The following LRATD1 variants were observed in gnomAD, a reference collection of about 807,000 sequenced individuals.
LRATD1 encodes the protein protein LRATD1.
LRATD1 carries 8 observed loss-of-function variants against 21.3 expected under a neutral mutation model. That is an observed-to-expected ratio of 0.38 (90% CI 0.22 to 0.68). The LOEUF is 0.68. Among genes scored for constraint, LRATD1 ranks in the 30% least tolerant of loss-of-function variants. The pLI is 0.54. For missense variants in LRATD1, 380 were observed against 404.0 expected (o/e 0.94, Z 0.51); for synonymous variants, 210 against 186.2 (o/e 1.13, Z -1.04).
Position 14,635,048 on chromosome 2 carries a change from C to A in LRATD1, c.*190C>A. On this transcript the variant is annotated 3_prime_UTR_variant, in exon 2 of 2. Transcript: ENST00000295092. The stretch of plus-strand genomic sequence containing the variant: ...GCGGCAGGAAGTCTCAGGAACTGCC[C>A]CAGGGCCGAAAGGGCGCCGCTGCGA... 1 of 885,164 alleles carries A rather than the reference C, an allele frequency of 1.1e-6. No individual in the cohort carries two copies. Among genetic ancestry groups the A allele is most frequent in the Non-Finnish European group, 1.8e-6 (1 of 546,776 alleles). The allele number at this position is 885,164 out of a possible 1,614,324, so 54.8% of individuals were successfully genotyped here.
In LRATD1 at chr2:14,634,173, C is replaced by T. The variant is rs1205420214; in HGVS notation, c.194C>T (p.Pro65Leu). The change falls in exon 2 of 2, where the codon CCG (proline) becomes CTG (leucine). Residue 65 changes from proline (P) to leucine (L), a missense_variant. Pro to Leu is a moderately conservative substitution (Grantham distance 98, BLOSUM62 -3). Coordinates refer to ENST00000295092, the MANE Select transcript of LRATD1 (RefSeq NM_145175.4). ...VKAPPGCTPC[P>L]ESPSRHHHHL... The stretch of plus-strand genomic sequence containing the variant: ...GCCCCCCCGGGTTGCACCCCCTGCC[C>T]GGAGAGCCCCAGCCGCCACCACCAC... 3.7e-6 allele frequency: 6 copies of T among 1,613,172 alleles called. No individual in the cohort carries two copies. In the East Asian group the frequency reaches 1.3e-4, roughly 36 times the overall value.
At chr2:14,642,648 G>C (rs1671826057), downstream of LRATD1, among the ~76,000 whole-genome samples, 1 of 151,478 alleles carries the variant, frequency 6.6e-6, no homozygotes, top group African/African-American at 2.4e-5. Flanking sequence ...AGCATGTATG[G>C]GGTCGGGGGG....
rs756862719 is a variant in LRATD1 at position 14,634,331 on chromosome 2, G to A, written c.352G>A (p.Ala118Thr). Residue 118 changes from alanine (A) to threonine (T), a missense_variant, in exon 2 of 2, where the codon GCG (alanine) becomes ACG (threonine). Ala to Thr is a moderately conservative substitution (Grantham distance 58, BLOSUM62 0). Coordinates refer to ENST00000295092, the MANE Select transcript of LRATD1 (RefSeq NM_145175.4). ...CGTCTACGCGGTCACCGCGCTGCCAGCGCTCTGCGAACCCGGCGACCTGCT... is the reference window on the plus strand; with the variant it reads ...CGTCTACGCGGTCACCGCGCTGCCAACGCTCTGCGAACCCGGCGACCTGCT... ...LSVYAVTALP[A>T]LCEPGDLLEL... The A allele has an allele frequency of 6.3e-7, 1 of 1,591,118 alleles. No individual in the cohort carries two copies. Among genetic ancestry groups the A allele is most frequent in the Non-Finnish European group, 8.5e-7 (1 of 1,172,662 alleles).
At chr2:14,646,042 G>C (rs1180671053) in intron 2 of LRATD1, 1 of 151,850 alleles carries the variant, frequency 6.6e-6, no homozygotes, top group African/African-American at 2.4e-5. Context: ...GTTAACATCT[G>C]TCTGTCCTTT....
chr2:14,647,269 T>C (rs1671911964), intron 4 of LRATD1, among the ~76,000 whole-genome samples: 1 of 152,190 alleles, frequency 6.6e-6, no homozygotes, highest in South Asian at 2.1e-4. Flanking sequence ...ATGTGTTTTA[T>C]TTGTCTTTAT....
At chr2:14,650,040 A>C (rs1671977708), downstream of LRATD1, 1 of 152,372 alleles carries the variant, frequency 6.6e-6, no homozygotes, top group African/African-American at 2.4e-5. Context: ...CACCCTCCAG[A>C]ACTGGGAGAA....
At chr2:14,651,176 GTTGTGCTA>G (rs1362345470), downstream of LRATD1, among the ~76,000 whole-genome samples, 3 of 152,024 alleles carry the variant, frequency 2.0e-5, no homozygotes, top group Non-Finnish European at 2.9e-5. Context: ...CACAAATGAT[GTTGTGCTA>G]TGGATCTCAT....
At position 14,634,119 on chromosome 2, in the gene LRATD1, G is replaced by A. The variant is rs148592039; in HGVS notation, c.140G>A (p.Arg47His). 68 of 1,614,068 alleles carry A rather than the reference G, an allele frequency of 4.2e-5. No homozygotes were observed. The African/African-American group carries it at 5.2e-4, about 12-fold the overall frequency. Residue 47 changes from arginine to histidine, a missense_variant, in exon 2 of 2, where the codon CGC (arginine) becomes CAC (histidine). Physicochemically the swap from Arg to His is conservative, Grantham distance 29. Coordinates refer to ENST00000295092, the MANE Select transcript of LRATD1 (RefSeq NM_145175.4). ...GATGATGAGGAAGACCTGGACGAAC[G>A]CGGGCAGCCCGACAAGTTTGGCGTG... ...FSDDEEDLDERGQPDKFGVKA... is the reference protein window; with the variant it reads ...FSDDEEDLDEHGQPDKFGVKA...
Position 14,639,151 on chromosome 2 carries a change from C to G in LRATD1, c.*4293C>G, listed in dbSNP as rs959839437. On this transcript the variant is annotated 3_prime_UTR_variant, in exon 2 of 2. Transcript: ENST00000295092. ...ACAGGCTACTTAAAATAGAGAGTGA[C>G]TTGAGATATACAAAAACAGGAAGAA... 6.0e-6 allele frequency: 1 copy of G among 166,354 alleles called. No individual in the cohort carries two copies. The highest frequency in any genetic ancestry group is 2.4e-5 in the African/African-American group (1 of 41,150). The allele number at this position is 166,354 out of a possible 1,614,324, so 10.3% of individuals were successfully genotyped here. A position where few individuals can be genotyped will look rare whatever the true frequency, so the allele number is the denominator to read the frequency against.
At chr2:14,651,446 C>T (rs965935243), downstream of LRATD1, among the ~76,000 whole-genome samples, 5 of 152,158 alleles carry the variant, frequency 3.3e-5, no homozygotes, top group Non-Finnish European at 5.9e-5. Context: ...ATACACCTTT[C>T]TGAACTAAGT....
At chr2:14,646,113 C>A (rs1299817513) in exon 3 of LRATD1, 1 of 151,928 alleles carries the variant, frequency 6.6e-6, no homozygotes, top group Non-Finnish European at 1.5e-5. Flanking sequence ...GAACAAAACC[C>A]ATTTAATGTT....
At chr2:14,648,083 A>C (rs547831619) in intron 4 of LRATD1, among the ~76,000 whole-genome samples, 9 of 152,300 alleles carry the variant, frequency 5.9e-5, no homozygotes, top group African/African-American at 2.2e-4. Flanking sequence ...TATTGGAGGA[A>C]GGTCTTACAC....
chr2:14,635,529 GTTCTTTC>G lies in LRATD1; in HGVS notation c.*672_*678del. ...CTAAGCCAGACAGTGTTTGCCTCCG[GTTCTTTC>G]CACCGTGGGAAGCGAACGCCACCCC... On this transcript the variant is annotated 3_prime_UTR_variant, in exon 2 of 2. Transcript: ENST00000295092. 1 of 471,150 alleles carries G rather than the reference GTTCTTTC, an allele frequency of 2.1e-6. No homozygotes were observed. Among genetic ancestry groups the G allele is most frequent in the Non-Finnish European group, 4.4e-6 (1 of 227,062 alleles). The allele number at this position is 471,150 out of a possible 1,614,324, so 29.2% of individuals were successfully genotyped here.
At chr2:14,645,142 G>T (rs1428732680) in intron 2 of LRATD1, among the ~76,000 whole-genome samples, 2 of 152,142 alleles carry the variant, frequency 1.3e-5, no homozygotes, top group African/African-American at 4.8e-5. Flanking sequence ...TGAGCCTCTT[G>T]TCCAAAGAAA....
chr2:14,643,990 A>G (rs566257884), downstream of LRATD1, among the ~76,000 whole-genome samples: 1 of 152,194 alleles, frequency 6.6e-6, no homozygotes, highest in African/African-American at 2.4e-5. Context: ...AATCTAATTT[A>G]ATTCAAAAAC....
intron 4 of LRATD1, among the ~76,000 whole-genome samples, chr2:14,647,114 G>A (rs1214825202): frequency 2.6e-5 from 4 of 152,198 alleles, no homozygotes; most frequent in Admixed American, 2.0e-4. Flanking sequence ...CACAATGTTA[G>A]GATGAAGCTG....
chr2:14,647,067 C>CAG (rs1379845997), intron 4 of LRATD1, among the ~76,000 whole-genome samples: 1 of 152,202 alleles, frequency 6.6e-6, no homozygotes, highest in Non-Finnish European at 1.5e-5. Flanking sequence ...GAGCCTCTAT[C>CAG]CCTCAGCCTT....
chr2:14,634,679 G>T lies in LRATD1; in HGVS notation c.700G>T (p.Ala234Ser), dbSNP rs770401072. Residue 234 changes from alanine (A) to serine (S), a missense_variant, in exon 2 of 2, where the codon GCA (alanine) becomes TCA (serine). By Grantham distance (99) the Ala-to-Ser change is moderately conservative. Coordinates refer to ENST00000295092, the MANE Select transcript of LRATD1 (RefSeq NM_145175.4). ...GTTCAAGGCGGGAGGGGAGGTGCCGGCAGGCACGCAGCCCCCGCAGCAGCA... is the reference window on the plus strand; with the variant it reads ...GTTCAAGGCGGGAGGGGAGGTGCCGTCAGGCACGCAGCCCCCGCAGCAGCA... ...REFKAGGEVPAGTQPPQQQYY... is the reference protein window; with the variant it reads ...REFKAGGEVPSGTQPPQQQYY... 2 of 1,548,090 alleles carry T rather than the reference G, an allele frequency of 1.3e-6. No individual in the cohort carries two copies. The highest frequency in any genetic ancestry group is 1.7e-6 in the Non-Finnish European group (2 of 1,146,110).
In LRATD1 at chr2:14,634,860, C is replaced by A. The variant is rs761739824; in HGVS notation, c.*2C>A. 6.8e-6 allele frequency: 11 copies of A among 1,606,012 alleles called. No individual in the cohort carries two copies. The highest frequency in any genetic ancestry group is 9.4e-6 in the Non-Finnish European group (11 of 1,175,078). Reference sequence around the variant, plus strand: ...GACCTCGTGGACGACAAGGAGTAGCCGCCTAGGGGCTGCCGGCCCCTCTGC... The same window carrying A: ...GACCTCGTGGACGACAAGGAGTAGCAGCCTAGGGGCTGCCGGCCCCTCTGC... On this transcript the variant is annotated 3_prime_UTR_variant, in exon 2 of 2. Coordinates refer to ENST00000295092, the MANE Select transcript of LRATD1 (RefSeq NM_145175.4).
Sources: allele counts gnomAD v4.1 joint callset (sites outside exome capture counted in the v4.1 genomes callset), GRCh38; gene constraint gnomAD v4.1.1; transcripts MANE v1.5; gene names NCBI Gene and HGNC (gene_info 2026-07-23, HGNC 2026-07-21).